Variants in RGS17 observed in about 807,000 individuals in gnomAD.
RGS17 encodes regulator of G protein signaling 17, also known as regulator of G-protein signaling 17.
A neutral mutation model predicts 25.5 loss-of-function variants in RGS17; 12 were observed. The ratio of observed to expected loss-of-function variants is 0.47; its 90% CI spans 0.30 to 0.76. RGS17 has a LOEUF of 0.76. Among genes scored for constraint, RGS17 ranks in the 30% least tolerant of loss-of-function variants. The probability of loss-of-function intolerance (pLI) is 0.07; values close to 1 mark genes in which losing one functional copy is unlikely to be tolerated. For missense variants in RGS17, 196 were observed against 242.2 expected (o/e 0.81, Z 1.27); for synonymous variants, 71 against 76.9 (o/e 0.92, Z 0.40).
chr6:153,012,372 G>GAA (rs531413648), intron 4 of RGS17, among the ~76,000 whole-genome samples: 221 of 152,312 alleles, frequency 1.5e-3, no homozygotes, highest in African/African-American at 5.0e-3. Flanking sequence ...TACTAACGAT[G>GAA]AAGCAGATCA....
At chr6:153,015,038 C>A (rs1272951261) in intron 4 of RGS17, among the ~76,000 whole-genome samples, 1 of 152,170 alleles carries the variant, frequency 6.6e-6, no homozygotes, top group Non-Finnish European at 1.5e-5. Context: ...GAGGAACTAA[C>A]TGCAGATGTG....
chr6:153,009,056 T>C lies in RGS17; in HGVS notation c.*2518A>G, dbSNP rs1584115119. Reference sequence around the variant, plus strand: ...TTCCTCATCAGGTTTCAAAAGGATATACCAACTTTAAAATCTGTGTTCTAC... The same window carrying C: ...TTCCTCATCAGGTTTCAAAAGGATACACCAACTTTAAAATCTGTGTTCTAC... On this transcript the variant is annotated 3_prime_UTR_variant, in exon 5 of 5. Coordinates refer to ENST00000206262, the MANE Select transcript of RGS17 (RefSeq NM_012419.5). The C allele has an allele frequency of 1.3e-5, 2 of 152,280 alleles. No individual in the cohort carries two copies. Among genetic ancestry groups the C allele is most frequent in the East Asian group, 1.9e-4 (1 of 5,194 alleles). 9.4% of individuals were successfully genotyped at this position (152,280 alleles called of 1,614,324 possible).
intron 1 of RGS17, among the ~76,000 whole-genome samples, chr6:153,107,405 T>C (rs193187246): frequency 2.0e-5 from 3 of 152,350 alleles, no homozygotes. Flanking sequence ...ATTGTAGTTA[T>C]GTCTGAAATG....
At chr6:153,017,921 C>T (rs952428284) in intron 4 of RGS17, among the ~76,000 whole-genome samples, 1 of 152,060 alleles carries the variant, frequency 6.6e-6, no homozygotes, top group Non-Finnish European at 1.5e-5. Context: ...ATTTGGTATT[C>T]CTATGTTAAA....
At chr6:153,014,708 G>C (rs1385165878) in intron 4 of RGS17, among the ~76,000 whole-genome samples, 2 of 151,560 alleles carry the variant, frequency 1.3e-5, no homozygotes, top group East Asian at 3.9e-4. Context: ...TGAGGCAGGA[G>C]AATGGCGTGA....
At chr6:153,016,166 T>C (rs1353643268) in intron 4 of RGS17, among the ~76,000 whole-genome samples, 2 of 152,244 alleles carry the variant, frequency 1.3e-5, no homozygotes, top group Non-Finnish European at 2.9e-5. Flanking sequence ...TATTTTCTGT[T>C]ATTACCACAT....
chr6:153,069,792 A>C (rs892422034), intron 1 of RGS17, among the ~76,000 whole-genome samples: 3 of 150,260 alleles, frequency 2.0e-5, no homozygotes, highest in Non-Finnish European at 4.4e-5. Flanking sequence ...TAGCCACAAA[A>C]ATTAAAAACT....
intron 1 of RGS17, among the ~76,000 whole-genome samples, chr6:153,074,170 G>A (rs570780543): frequency 6.6e-6 from 1 of 152,272 alleles, no homozygotes; most frequent in Non-Finnish European, 1.5e-5. Flanking sequence ...ACATCCTCCA[G>A]AAAAGAGCTA....
chr6:153,077,238 G>T (rs992424494), intron 1 of RGS17, among the ~76,000 whole-genome samples: 2 of 152,120 alleles, frequency 1.3e-5, no homozygotes, highest in Admixed American at 1.3e-4. Context: ...ATCAAACATG[G>T]GAATTTCTAA....
intron 4 of RGS17, among the ~76,000 whole-genome samples, chr6:153,021,811 G>A (rs992479634): frequency 5.3e-5 from 8 of 152,124 alleles, no homozygotes; most frequent in African/African-American, 1.4e-4. Flanking sequence ...ATATGGTTAC[G>A]ACACTAAACA....
rs988894592 is a variant in RGS17 at position 153,008,505 on chromosome 6, G to T, written c.*3069C>A. On this transcript the variant is annotated 3_prime_UTR_variant, in exon 5 of 5. Transcript: ENST00000206262. ...AAGAAGTGCCATCCATCCATTACTG[G>T]TGTGATTAATGTACAAGATCAATCT... 1 of 152,120 alleles carries T rather than the reference G, an allele frequency of 6.6e-6. No individual in the cohort carries two copies. The highest frequency in any genetic ancestry group is 1.5e-5 in the Non-Finnish European group (1 of 68,018). 9.4% of individuals were successfully genotyped at this position (152,120 alleles called of 1,614,324 possible).
chr6:153,023,818 G>A (rs1171841693), intron 4 of RGS17, among the ~76,000 whole-genome samples: 3 of 152,134 alleles, frequency 2.0e-5, no homozygotes, highest in African/African-American at 7.2e-5. Flanking sequence ...TAAAAGTGCA[G>A]ATTTCTGGGT....
intron 1 of RGS17, among the ~76,000 whole-genome samples, chr6:153,045,635 C>T (rs562660301): frequency 1.3e-5 from 2 of 152,310 alleles, no homozygotes; most frequent in South Asian, 4.1e-4. Context: ...ATACATCTCT[C>T]ACTCAATGTG....
chr6:153,069,150 A>T (rs1400194392), intron 1 of RGS17, among the ~76,000 whole-genome samples: 2 of 152,082 alleles, frequency 1.3e-5, no homozygotes, highest in African/African-American at 4.8e-5. Flanking sequence ...AGATATCTGC[A>T]CTCCCGTGTT....
intron 2 of RGS17, among the ~76,000 whole-genome samples, chr6:153,038,424 G>A (rs1051483626): frequency 1.3e-5 from 2 of 152,240 alleles, no homozygotes; most frequent in African/African-American, 4.8e-5. Context: ...ATTTACCCAT[G>A]CCATGGCAAG....
In RGS17 at chr6:153,070,445, T is replaced by G. The variant is rs577998051; in HGVS notation, c.-25-26402A>C. ...CTAGGATGTTAAATAGTTATGTCTATGTATACAAGTTGGCTCTCCATAACT... is the reference window on the plus strand; with the variant it reads ...CTAGGATGTTAAATAGTTATGTCTAGGTATACAAGTTGGCTCTCCATAACT... On this transcript the variant is annotated intron_variant, in intron 1 of 4. Coordinates refer to ENST00000206262, the MANE Select transcript of RGS17 (RefSeq NM_012419.5). 1.8e-4 allele frequency among the ~76,000 whole-genome samples: 27 copies of G among 152,264 alleles called. No homozygotes were observed. In the South Asian group the frequency reaches 5.6e-3, roughly 32 times the overall value.
intron 1 of RGS17, among the ~76,000 whole-genome samples, chr6:153,056,957 G>C (rs993422988): frequency 6.6e-6 from 1 of 151,236 alleles, no homozygotes; most frequent in African/African-American, 2.4e-5. Flanking sequence ...GAATATGACA[G>C]ATTTCTCTGA....
At chr6:153,111,655 T>A (rs960909845) in intron 1 of RGS17, among the ~76,000 whole-genome samples, 2 of 152,158 alleles carry the variant, frequency 1.3e-5, no homozygotes, top group Non-Finnish European at 2.9e-5. Flanking sequence ...GGGAGACACC[T>A]CCCAGCAGGG....
At chr6:153,056,114 A>G (rs1338873679) in intron 1 of RGS17, among the ~76,000 whole-genome samples, 1 of 152,218 alleles carries the variant, frequency 6.6e-6, no homozygotes, top group Non-Finnish European at 1.5e-5. Context: ...GAATGCATTA[A>G]CAGAAATACG....
Sources: allele counts gnomAD v4.1 joint callset (sites outside exome capture counted in the v4.1 genomes callset), GRCh38; gene constraint gnomAD v4.1.1; transcripts MANE v1.5; gene names NCBI Gene and HGNC (gene_info 2026-07-23, HGNC 2026-07-21).